The following CYFIP1 variants were observed in gnomAD, a reference collection of about 807,000 sequenced individuals.
CYFIP1 encodes the protein cytoplasmic FMR1-interacting protein 1.
Under a neutral mutation model 163.5 loss-of-function variants are expected in CYFIP1, and 58 were observed. The observed-to-expected ratio is 0.35, with a 90% CI of 0.29 to 0.44. CYFIP1 has a LOEUF of 0.44. Among genes scored for constraint, CYFIP1 ranks in the 20% least tolerant of loss-of-function variants. CYFIP1 has a pLI of 1.00. For synonymous variants in CYFIP1, 663 were observed against 660.7 expected, an observed-to-expected ratio of 1.00 and a Z score of -0.05; for missense variants, 1,338 against 1,653.8, an observed-to-expected ratio of 0.81 and a Z score of 3.31.
intron 1 of CYFIP1, among the ~76,000 whole-genome samples, chr15:22,954,570 G>A (rs1028112636): frequency 5.9e-5 from 9 of 152,120 alleles, no homozygotes; most frequent in African/African-American, 1.7e-4. Flanking sequence ...CTGTGCCCCC[G>A]GCCTCCCCAG....
chr15:22,903,719 C>T lies in CYFIP1; in HGVS notation c.2575G>A (p.Gly859Ser), dbSNP rs550408572. Residue 859 changes from glycine (G) to serine (S), a missense_variant, in exon 22 of 31, where the codon GGC becomes AGC. Transcript: ENST00000617928. ...GGGCACGCTCACCGGTTGGTAGAGC[C>T]GTTGTAGCAGTAGTTGGGCAGGAAG... ...YDFLPNYCYN[G>S]STNRFVRTVL... is the part of the protein sequence containing the mutation. 216 of 1,613,570 alleles carry T rather than the reference C, an allele frequency of 1.3e-4. 1 individual carries two copies. The highest frequency in any genetic ancestry group is 6.6e-4 in the Middle Eastern group (4 of 6,062).
rs1595483205 is a variant in CYFIP1, at chr15:22,872,941, C to T, written c.3481G>A (p.Gly1161Ser). 2 of 1,614,068 alleles carry T rather than the reference C, an allele frequency of 1.2e-6. No individual in the cohort carries two copies. Among genetic ancestry groups the T allele is most frequent in the Middle Eastern group, 1.6e-4 (1 of 6,062 alleles). Residue 1161 changes from glycine to serine, a missense_variant, in exon 30 of 31, where the codon GGC becomes AGC. Around this residue, in one of 4 missense-constraint regions of CYFIP1, gnomAD observed 306 missense variants for 322.1 expected, o/e 0.95. Transcript: ENST00000617928. ...QCFGDGLHWA[G>S]CMIIVLLGQQ... is the part of the protein sequence containing the mutation. ...CCAAGAAGTACGATGATCATACAGC[C>T]AGCCCAGTGTAGCCCATCACCAAAG...
In CYFIP1 at chr15:22,918,170, G is replaced by A. The variant is rs566879101; in HGVS notation, c.1527-235C>T. Reference sequence around the variant, plus strand: ...AGAAGACTGCCCTGAGCTCCAGTTCGCATCTGTTAGCCCAGGGCAGCAGTG... The same window carrying A: ...AGAAGACTGCCCTGAGCTCCAGTTCACATCTGTTAGCCCAGGGCAGCAGTG... On this transcript the variant is annotated intron_variant, in intron 14 of 30. Coordinates refer to ENST00000617928, the MANE Select transcript of CYFIP1 (RefSeq NM_014608.6). Among the ~76,000 whole-genome samples the A allele has an allele frequency of 1.6e-3, 246 of 152,288 alleles. 1 individual carries two copies. Among genetic ancestry groups the A allele is most frequent in the African/African-American group, 5.7e-3 (239 of 41,570 alleles).
chr15:22,973,706 CAA>C (rs1595740059), intron 1 of CYFIP1, among the ~76,000 whole-genome samples: 1 of 152,036 alleles, frequency 6.6e-6, no homozygotes, highest in East Asian at 1.9e-4. Context: ...AAAAAATAGA[CAA>C]ATGGGATTAC....
intron 23 of CYFIP1, 90 bp from the exon 24 acceptor site, chr15:22,883,101 G>T: frequency 6.8e-7 from 1 of 1,465,680 alleles, no homozygotes; most frequent in Non-Finnish European, 9.3e-7. Flanking sequence ...ACACACACAG[G>T]CTCAGGTGAG....
chr15:22,883,630 A>G (rs1478976381), intron 23 of CYFIP1, among the ~76,000 whole-genome samples: 1 of 152,100 alleles, frequency 6.6e-6, no homozygotes, highest in African/African-American at 2.4e-5. Flanking sequence ...ATCCTGGCTA[A>G]CACGGTGAAA....
intron 1 of CYFIP1, among the ~76,000 whole-genome samples, chr15:22,979,789 G>A (rs1441831774): frequency 1.3e-5 from 2 of 152,190 alleles, no homozygotes; most frequent in African/African-American, 4.8e-5. Flanking sequence ...CGCGGACCAG[G>A]CTCCCTCCGC....
In CYFIP1 at chr15:22,919,109, G is replaced by A. The variant is rs79054697; in HGVS notation, c.1360-251C>T. 3.1e-3 allele frequency among the ~76,000 whole-genome samples: 475 copies of A among 152,246 alleles called. 2 individuals carry two copies. Among genetic ancestry groups the A allele is most frequent in the African/African-American group, 0.011 (450 of 41,530 alleles). On this transcript the variant is annotated intron_variant, in intron 13 of 30. Transcript: ENST00000617928. Reference sequence around the variant, plus strand: ...GATGCATCTGACTCGAAACACACATGCATCCACCCCAGCACACCCTCCTGT... The same window carrying A: ...GATGCATCTGACTCGAAACACACATACATCCACCCCAGCACACCCTCCTGT...
chr15:22,913,406 T>C (rs2060848032), intron 17 of CYFIP1, among the ~76,000 whole-genome samples: 1 of 148,812 alleles, frequency 6.7e-6, no homozygotes, highest in Non-Finnish European at 1.5e-5. Context: ...TGGGTGCCTG[T>C]AGTCCCAGCT....
chr15:22,928,076 G>A, intron 11 of CYFIP1, 48 bp from the exon 12 acceptor site: 1 of 1,445,408 alleles, frequency 6.9e-7, no homozygotes, highest in Non-Finnish European at 9.1e-7. Flanking sequence ...CCCCCACCCA[G>A]CTCCCCCCAT....
intron 23 of CYFIP1, among the ~76,000 whole-genome samples, chr15:22,889,079 A>T (rs1433202439): frequency 6.6e-6 from 1 of 152,174 alleles, no homozygotes; most frequent in Non-Finnish European, 1.5e-5. Flanking sequence ...AACAAAAAGA[A>T]AAACCATGTA....
At chr15:22,889,988 A>G (rs1226496438) in intron 23 of CYFIP1, among the ~76,000 whole-genome samples, 1 of 152,164 alleles carries the variant, frequency 6.6e-6, no homozygotes, top group Non-Finnish European at 1.5e-5. Flanking sequence ...TTTTGAGTAT[A>G]ACTAATTATT....
In CYFIP1 at chr15:22,943,181, C is replaced by G. The variant is rs530221441; in HGVS notation, c.561G>C (p.Ala187=). ...GCGAGGTGGGTGCTCACCTCTTGTA[C>G]GCTGAGTGGTCGTTCTTCACACTGC... ...MKCSVKNDHS[A]YKRAAQFLRK... Residue 187 remains alanine, a synonymous_variant, in exon 6 of 31, where the codon GCG becomes GCC. Transcript: ENST00000617928. 1 of 1,614,078 alleles carries G rather than the reference C, an allele frequency of 6.2e-7. No individual in the cohort carries two copies.
At chr15:22,974,722 C>T in intron 1 of CYFIP1, among the ~76,000 whole-genome samples, 1 of 152,042 alleles carries the variant, frequency 6.6e-6, no homozygotes, top group East Asian at 1.9e-4. Context: ...AGAGTGAGAC[C>T]CTGTCTCAAA....
chr15:22,955,753 C>T (rs2062425724), intron 1 of CYFIP1, among the ~76,000 whole-genome samples: 1 of 152,212 alleles, frequency 6.6e-6, no homozygotes, highest in Admixed American at 6.5e-5. Flanking sequence ...CTCAGGGCAT[C>T]AGCCAGTGCC....
At chr15:22,923,158 T>A (rs1398452193) in intron 13 of CYFIP1, among the ~76,000 whole-genome samples, 1 of 152,044 alleles carries the variant, frequency 6.6e-6, no homozygotes, top group African/African-American at 2.4e-5. Flanking sequence ...CTCAAAAGAC[T>A]CCATTAAGAA....
Position 22,911,826 on chromosome 15 carries a change from G to A in CYFIP1, c.2082+353C>T, listed in dbSNP as rs921717687. Among the ~76,000 whole-genome samples the A allele has an allele frequency of 3.3e-5, 5 of 152,158 alleles. 1 individual carries two copies. The highest frequency in any genetic ancestry group is 4.1e-4 in the South Asian group (2 of 4,830). On this transcript the variant is annotated intron_variant, in intron 18 of 30. Transcript: ENST00000617928. Reference sequence around the variant, plus strand: ...GGAATTTGTCCTATAGAAGTCATGCGATGCAAATAAAAAACATGCCAGGGA... The same window carrying A: ...GGAATTTGTCCTATAGAAGTCATGCAATGCAAATAAAAAACATGCCAGGGA...
chr15:22,883,469 C>A (rs2093275168), intron 23 of CYFIP1, among the ~76,000 whole-genome samples: 1 of 152,034 alleles, frequency 6.6e-6, no homozygotes, highest in African/African-American at 2.4e-5. Flanking sequence ...GTGTATTAGT[C>A]CGTTTTCACA....
chr15:22,911,891 A>C (rs534699741), intron 18 of CYFIP1, among the ~76,000 whole-genome samples: 1 of 152,304 alleles, frequency 6.6e-6, no homozygotes, highest in Admixed American at 6.5e-5. Context: ...AAACCAAAAA[A>C]ATAGAGAAAT....
Sources: allele counts gnomAD v4.1 joint callset (sites outside exome capture counted in the v4.1 genomes callset), GRCh38; gene constraint gnomAD v4.1.1; regional missense constraint gnomAD v4.1.1; transcripts MANE v1.5; gene names NCBI Gene and HGNC (gene_info 2026-07-23, HGNC 2026-07-21).